The following SLC12A2 variants were observed in gnomAD, a reference collection of about 807,000 sequenced individuals.
SLC12A2 encodes the protein solute carrier family 12 member 2.
A neutral mutation model predicts 136.3 loss-of-function variants in SLC12A2; 67 were observed. That is an observed-to-expected ratio of 0.49 (90% confidence interval 0.40 to 0.60). SLC12A2 has a LOEUF of 0.60. SLC12A2 is among the 20% of genes least tolerant of loss of function. SLC12A2 has a pLI of 0.00. For missense variants in SLC12A2, 1,322 were observed against 1,534.7 expected (o/e 0.86, Z 2.32); for synonymous variants, 619 against 562.9 (o/e 1.10, Z -1.41).
chr5:128,173,864 C>G (rs1001906460), intron 19 of SLC12A2, among the ~76,000 whole-genome samples: 9 of 152,030 alleles, frequency 5.9e-5, no homozygotes, highest in Non-Finnish European at 1.3e-4. Context: ...TCTTTACTAA[C>G]TCTGACAAAG....
At chr5:128,147,855 T>A in intron 11 of SLC12A2, 126 bp downstream of exon 11, 1 of 518,480 alleles carries the variant, frequency 1.9e-6, no homozygotes. Context: ...ATGATATATA[T>A]ATGCACATAA....
chr5:128,116,405 A>C (rs939090995), intron 4 of SLC12A2, among the ~76,000 whole-genome samples: 4 of 148,716 alleles, frequency 2.7e-5, no homozygotes, highest in Admixed American at 6.8e-5. Context: ...ATATATATAT[A>C]TATATATATA....
chr5:128,136,665 T>C (rs1762201053), intron 7 of SLC12A2, among the ~76,000 whole-genome samples: 1 of 152,142 alleles, frequency 6.6e-6, no homozygotes, highest in Non-Finnish European at 1.5e-5. Context: ...GTCTATTTTA[T>C]TCGATGTCAG....
At chr5:128,107,795 G>C (rs866310695) in intron 1 of SLC12A2, among the ~76,000 whole-genome samples, 3 of 152,086 alleles carry the variant, frequency 2.0e-5, no homozygotes, top group Non-Finnish European at 4.4e-5. Flanking sequence ...TAATCCTTTT[G>C]AGTGTGTCCC....
At chr5:128,092,713 C>T (rs975997093) in intron 1 of SLC12A2, among the ~76,000 whole-genome samples, 3 of 152,128 alleles carry the variant, frequency 2.0e-5, no homozygotes, top group Non-Finnish European at 4.4e-5. Flanking sequence ...CAGCACATCT[C>T]AATTCAGACA....
intron 4 of SLC12A2, 127 bp from the exon 5 acceptor site, chr5:128,130,936 CACTT>C (rs1478716893): frequency 9.6e-6 from 7 of 732,980 alleles, no homozygotes; most frequent in African/African-American, 1.8e-5. Context: ...TACAGTCACT[CACTT>C]GCCTCTTTAA....
chr5:128,152,800 CT>C lies in SLC12A2; in HGVS notation c.2361del (p.Phe787LeufsTer8). The C allele has an allele frequency of 1.3e-6, 2 of 1,599,758 alleles. No homozygotes were observed. Among genetic ancestry groups the C allele is most frequent in the Non-Finnish European group, 1.7e-6 (2 of 1,166,974 alleles). On this transcript the variant is annotated frameshift_variant, in exon 15 of 27. Coordinates refer to ENST00000262461, the MANE Select transcript of SLC12A2 (RefSeq NM_001046.3). LOFTEE classifies it high-confidence loss of function. ...CTGGAGTGGAAGACCACGTGAAAAA[CT>C]TTAGGTAAGTGATAAAGAAGGAAAC... ...LSGVEDHVKN[F>X]RPQCLVMTGA...
At chr5:128,101,362 C>CT (rs977908181) in intron 1 of SLC12A2, among the ~76,000 whole-genome samples, 1 of 152,252 alleles carries the variant, frequency 6.6e-6, no homozygotes, top group African/African-American at 2.4e-5. Context: ...TAATTTAACG[C>CT]TTTGACTTAC....
chr5:128,142,672 G>A lies in SLC12A2; in HGVS notation c.1773+691G>A, dbSNP rs1244296612. On this transcript the variant is annotated intron_variant, in intron 10 of 26. Transcript: ENST00000262461. ...TCTTGATTCTGTTCTGTTGATCTTC[G>A]TGTCTGTCCTTGTGCCAGTACCACA... 2.0e-5 allele frequency among the ~76,000 whole-genome samples: 3 copies of A among 151,868 alleles called. No individual in the cohort carries two copies. The South Asian group carries it at 6.2e-4, about 31-fold the overall frequency.
intron 15 of SLC12A2, among the ~76,000 whole-genome samples, chr5:128,154,924 TCTTTC>T (rs1254260214): frequency 1.3e-5 from 2 of 152,222 alleles, no homozygotes; most frequent in Admixed American, 6.5e-5. Flanking sequence ...AAATTTTTTT[TCTTTC>T]CTTAAGAACT....
At chr5:128,161,136 AAAT>A (rs1409801681) in intron 16 of SLC12A2, among the ~76,000 whole-genome samples, 1 of 152,176 alleles carries the variant, frequency 6.6e-6, no homozygotes, top group Non-Finnish European at 1.5e-5. Flanking sequence ...GCAAGGATCA[AAAT>A]AAGAGTTATG....
At chr5:128,125,327 C>A (rs1298228010) in intron 4 of SLC12A2, among the ~76,000 whole-genome samples, 1 of 152,148 alleles carries the variant, frequency 6.6e-6, no homozygotes, top group Non-Finnish European at 1.5e-5. Flanking sequence ...TTCTATGAGG[C>A]CACACCTACA....
chr5:128,172,714 A>C (rs774063381), intron 19 of SLC12A2, among the ~76,000 whole-genome samples: 1 of 152,226 alleles, frequency 6.6e-6, no homozygotes, highest in African/African-American at 2.4e-5. Flanking sequence ...TAATCCCAGC[A>C]TGCTGGGAGG....
At position 128,134,217 on chromosome 5, in the gene SLC12A2, C is replaced by G. The variant is rs201590109; in HGVS notation, c.1241C>G (p.Ala414Gly). 3.1e-6 allele frequency: 5 copies of G among 1,607,780 alleles called. No homozygotes were observed. The East Asian group carries it at 1.1e-4, about 36-fold the overall frequency. ...DEINDIRIIG[A>G]ITVVILLGIS... ...ATCAATGATATCCGAATTATTGGAG[C>G]CATTACAGTCGTGATTCTTTTAGGT... Residue 414 changes from alanine (A) to glycine (G), a missense_variant, in exon 6 of 27, where the codon GCC becomes GGC. Ala to Gly is a moderately conservative substitution (Grantham distance 60). Transcript: ENST00000262461.
Position 128,161,644 on chromosome 5 carries a change from A to T in SLC12A2, c.2476-16A>T. On this transcript the variant is annotated splice_polypyrimidine_tract_variant and intron_variant, in intron 16 of 26. Coordinates refer to ENST00000262461, the MANE Select transcript of SLC12A2 (RefSeq NM_001046.3). Reference sequence around the variant, plus strand: ...TACCTTTTAATTAAATATATTATTAATATTTTTATTCAAAGGGTCCTCGAA... The same window carrying T: ...TACCTTTTAATTAAATATATTATTATTATTTTTATTCAAAGGGTCCTCGAA... 7.5e-7 allele frequency: 1 copy of T among 1,341,122 alleles called. No individual in the cohort carries two copies. The highest frequency in any genetic ancestry group is 9.6e-7 in the Non-Finnish European group (1 of 1,040,832). 83.1% of individuals were successfully genotyped at this position (1,341,122 alleles called of 1,614,324 possible). A position where few individuals can be genotyped will look rare whatever the true frequency, so the allele number is the denominator to read the frequency against.
At chr5:128,093,141 C>CTGTTT (rs879583656) in intron 1 of SLC12A2, among the ~76,000 whole-genome samples, 2 of 151,368 alleles carry the variant, frequency 1.3e-5, no homozygotes, top group Non-Finnish European at 2.9e-5. Context: ...TTGTTTTGTT[C>CTGTTT]TGTTTTGTTT....
chr5:128,089,567 A>G (rs576277786), intron 1 of SLC12A2, among the ~76,000 whole-genome samples: 2 of 146,012 alleles, frequency 1.4e-5, no homozygotes, highest in East Asian at 3.9e-4. Flanking sequence ...TACCACCACC[A>G]TTTCTCTACC....
intron 14 of SLC12A2, 69 bp downstream of exon 14, chr5:128,151,465 C>A (rs954893840): frequency 2.2e-6 from 3 of 1,357,284 alleles, no homozygotes; most frequent in Admixed American, 2.5e-5. Context: ...TCTAGAAGTT[C>A]TTTGTTATTT....
chr5:128,186,763 GC>G lies in SLC12A2; in HGVS notation c.*133del, dbSNP rs1158508021. The G allele has an allele frequency of 1.0e-6, 1 of 998,822 alleles. No homozygotes were observed. The highest frequency in any genetic ancestry group is 1.5e-6 in the Non-Finnish European group (1 of 679,164). The allele number at this position is 998,822 out of a possible 1,614,324, so 61.9% of individuals were successfully genotyped here. A position where few individuals can be genotyped will look rare whatever the true frequency, so the allele number is the denominator to read the frequency against. ...CTTTCACGATTTCATTAATTTGAAA[GC>G]ACACAGGAAAGTTGCTCCATTGATA... On this transcript the variant is annotated 3_prime_UTR_variant, in exon 27 of 27. Coordinates refer to ENST00000262461, the MANE Select transcript of SLC12A2 (RefSeq NM_001046.3).
Sources: gnomAD v4.1 joint callset for allele counts (sites outside exome capture counted in the v4.1 genomes callset) on GRCh38, gnomAD v4.1.1 for gene constraint, MANE v1.5 for transcripts, NCBI Gene and HGNC (gene_info 2026-07-23, HGNC 2026-07-21) for gene names.